Variants in RBFOX1 observed in about 807,000 individuals in gnomAD.
The protein encoded by RBFOX1 is RNA binding protein fox-1 homolog 1.
Under a neutral mutation model 57.7 loss-of-function variants are expected in RBFOX1, and 8 were observed. The ratio of observed to expected loss-of-function variants is 0.14; its 90% confidence interval spans 0.08 to 0.25. The LOEUF (loss-of-function observed/expected upper bound fraction) is 0.25, where lower values mean the gene tolerates loss of function less well. Among genes scored for constraint, RBFOX1 ranks in the 10% least tolerant of loss-of-function variants. The pLI, the probability that RBFOX1 is intolerant of heterozygous loss-of-function variation, is 1.00. For synonymous variants in RBFOX1, 326 were observed against 222.4 expected, an observed-to-expected ratio of 1.47 and a Z score of -4.15; for missense variants, 611 against 548.5, an observed-to-expected ratio of 1.11 and a Z score of -1.14.
rs77400835 is a variant in RBFOX1, at chr16:6,793,856, G to T, written c.-16+139206G>T. On this transcript the variant is annotated intron_variant, in intron 3 of 15. Transcript: ENST00000550418. Reference sequence around the variant, plus strand: ...TGTATTAAAGTGGAGGTCTGGTATAGCTGATGGAAATGAGTTTTTTTAAAA... The same window carrying T: ...TGTATTAAAGTGGAGGTCTGGTATATCTGATGGAAATGAGTTTTTTTAAAA... 2.1e-3 allele frequency among the ~76,000 whole-genome samples: 327 copies of T among 152,266 alleles called. 2 individuals are homozygous for T. The highest frequency in any genetic ancestry group is 0.015 in the Admixed American group (229 of 15,296).
At chr16:7,353,513 G>A (rs1334545148) in intron 4 of RBFOX1, among the ~76,000 whole-genome samples, 1 of 152,138 alleles carries the variant, frequency 6.6e-6, no homozygotes, top group Non-Finnish European at 1.5e-5. Flanking sequence ...GTGTACCAGT[G>A]TTTATAATAG....
chr16:7,022,754 T>G (rs1008195623), intron 3 of RBFOX1, among the ~76,000 whole-genome samples: 5 of 152,162 alleles, frequency 3.3e-5, no homozygotes, highest in African/African-American at 1.2e-4. Context: ...CCAAACAGTT[T>G]CCTAATGTTT....
At chr16:6,761,080 A>G (rs560130898) in intron 3 of RBFOX1, among the ~76,000 whole-genome samples, 1 of 152,216 alleles carries the variant, frequency 6.6e-6, no homozygotes, top group Non-Finnish European at 1.5e-5. Context: ...ATTGATTAGT[A>G]GGGGGCTATC....
At chr16:6,180,649 T>A (rs532229446) in intron 1 of RBFOX1, among the ~76,000 whole-genome samples, 1 of 152,142 alleles carries the variant, frequency 6.6e-6, no homozygotes, top group East Asian at 1.9e-4. Flanking sequence ...CACTGCAATC[T>A]CCACCTCCTG....
intron 4 of RBFOX1, among the ~76,000 whole-genome samples, chr16:7,312,664 A>G (rs1205382146): frequency 6.6e-6 from 1 of 152,142 alleles, no homozygotes; most frequent in Non-Finnish European, 1.5e-5. Context: ...AGCTCAATTA[A>G]TGCTCAGTGT....
At chr16:7,577,856 T>C (rs1441503570) in intron 5 of RBFOX1, among the ~76,000 whole-genome samples, 1 of 152,214 alleles carries the variant, frequency 6.6e-6, no homozygotes, top group Non-Finnish European at 1.5e-5. Flanking sequence ...GATTGTGCCA[T>C]GGCATTCCAG....
At chr16:5,267,786 A>G (rs1212716917) in intron 1 of RBFOX1, among the ~76,000 whole-genome samples, 2 of 152,228 alleles carry the variant, frequency 1.3e-5, no homozygotes, top group Admixed American at 1.3e-4. Context: ...TGTGGAGGAT[A>G]AAAAGATGAC....
chr16:6,431,841 G>T (rs1346679690), intron 2 of RBFOX1, among the ~76,000 whole-genome samples: 1 of 151,148 alleles, frequency 6.6e-6, no homozygotes, highest in East Asian at 1.9e-4. Context: ...CAGAGTTATT[G>T]TGATGATTTA....
intron 4 of RBFOX1, among the ~76,000 whole-genome samples, chr16:7,284,649 A>T (rs2095613272): frequency 6.6e-6 from 1 of 152,178 alleles, no homozygotes. Context: ...CTTCATAAAG[A>T]TGTTTTTTAA....
intron 2 of RBFOX1, among the ~76,000 whole-genome samples, chr16:6,620,028 A>G (rs1236656960): frequency 6.6e-6 from 1 of 152,180 alleles, no homozygotes; most frequent in African/African-American, 2.4e-5. Context: ...GTTCCTGCAA[A>G]GGACATAATC....
intron 1 of RBFOX1, among the ~76,000 whole-genome samples, chr16:5,360,751 A>G (rs1292499216): frequency 6.6e-6 from 1 of 152,214 alleles, no homozygotes; most frequent in African/African-American, 2.4e-5. Flanking sequence ...AGAAATGTCA[A>G]CAGCTGAAAC....
intron 4 of RBFOX1, among the ~76,000 whole-genome samples, chr16:5,869,030 G>T (rs1485078808): frequency 6.6e-6 from 1 of 152,178 alleles, no homozygotes; most frequent in African/African-American, 2.4e-5. Context: ...AGAGTGAACT[G>T]GGACTTAGAA....
intron 4 of RBFOX1, among the ~76,000 whole-genome samples, chr16:7,145,813 GCA>G (rs2074846987): frequency 6.6e-6 from 1 of 151,956 alleles, no homozygotes; most frequent in Non-Finnish European, 1.5e-5. Flanking sequence ...TTGTGTTCCC[GCA>G]CACACACTAC....
intron 4 of RBFOX1, among the ~76,000 whole-genome samples, chr16:7,442,247 C>T (rs2098773714): frequency 6.6e-6 from 1 of 152,100 alleles, no homozygotes; most frequent in African/African-American, 2.4e-5. Context: ...AGGTGTTCTC[C>T]CCAGCCATCC....
intron 2 of RBFOX1, among the ~76,000 whole-genome samples, chr16:6,638,399 A>C (rs1024726116): frequency 6.6e-6 from 1 of 152,158 alleles, no homozygotes; most frequent in Non-Finnish European, 1.5e-5. Context: ...GAGAAAATTT[A>C]AGTAGTTATT....
intron 5 of RBFOX1, among the ~76,000 whole-genome samples, chr16:7,573,219 G>A (rs1385088801): frequency 3.3e-5 from 5 of 152,030 alleles, no homozygotes; most frequent in Admixed American, 2.6e-4. Flanking sequence ...AGGGCAGAAT[G>A]AATGCAAAGA....
At chr16:6,656,202 A>C (rs1189093228) in intron 3 of RBFOX1, among the ~76,000 whole-genome samples, 1 of 152,186 alleles carries the variant, frequency 6.6e-6, no homozygotes, top group Non-Finnish European at 1.5e-5. Context: ...CATTCCGCTC[A>C]TGTCAGAGTG....
At chr16:6,327,855 T>G (rs1250856803) in intron 2 of RBFOX1, among the ~76,000 whole-genome samples, 3 of 152,202 alleles carry the variant, frequency 2.0e-5, no homozygotes, top group Non-Finnish European at 4.4e-5. Context: ...CTAATGGCTC[T>G]TCAATCCCGT....
intron 4 of RBFOX1, among the ~76,000 whole-genome samples, chr16:7,185,570 T>C (rs1770779332): frequency 1.3e-5 from 2 of 152,124 alleles, no homozygotes; most frequent in South Asian, 4.1e-4. Context: ...GATACAGTGG[T>C]TTTCAAGAAA....
Sources: gnomAD v4.1 joint callset for allele counts (sites outside exome capture counted in the v4.1 genomes callset) on GRCh38, gnomAD v4.1.1 for gene constraint, MANE v1.5 for transcripts, NCBI Gene and HGNC (gene_info 2026-07-23, HGNC 2026-07-21) for gene names.